The following PSPC1 variants were observed in gnomAD, a reference collection of about 807,000 sequenced individuals.
The protein encoded by PSPC1 is paraspeckle protein 1.
A neutral mutation model predicts 51.6 loss-of-function variants in PSPC1; 14 were observed. The observed-to-expected ratio is 0.27, with a 90% CI of 0.18 to 0.42. The LOEUF (loss-of-function observed/expected upper bound fraction) is 0.42. Ranked by LOEUF, PSPC1 falls within the 10% of genes least tolerant of loss-of-function variation. The pLI, the probability that PSPC1 is intolerant of heterozygous loss-of-function variation, is 1.00. For missense variants in PSPC1, 406 were observed against 701.1 expected (o/e 0.58, Z 4.75); for synonymous variants, 193 against 231.9 (o/e 0.83, Z 1.53).
At chr13:19,675,728 C>CT (rs1382761879) in intron 7 of PSPC1, 1 of 152,122 alleles carries the variant, frequency 6.6e-6, no homozygotes, top group Non-Finnish European at 1.5e-5. Flanking sequence ...GAAACAAGAG[C>CT]TTTCAGTCCT....
rs895451050 is a variant in PSPC1, at chr13:19,782,902, C to T, written c.-145G>A. ...CTAGGTAGGCGAGTCGGCAACCCGT[C>T]CTCCCCCAACTCACGCCCGCTGCAG... On this transcript the variant is annotated 5_prime_UTR_variant, in exon 1 of 9. Transcript: ENST00000338910. This position sits in a 1 kb window ranked among gnomAD's most constrained non-coding sequence, Gnocchi z 4.5. 4 of 884,650 alleles carry T rather than the reference C, an allele frequency of 4.5e-6. No homozygotes were observed. Among genetic ancestry groups the T allele is most frequent in the East Asian group, 3.0e-5 (1 of 33,640 alleles). The allele number at this position is 884,650 out of a possible 1,614,324, so 54.8% of individuals were successfully genotyped here.
chr13:19,677,603 A>G (rs1876812538), intron 7 of PSPC1: 1 of 362,346 alleles, frequency 2.8e-6, no homozygotes, highest in African/African-American at 2.2e-5. Context: ...AAACACTGGG[A>G]CCATTACATA....
At chr13:19,684,066 C>T (rs1199771184) in intron 6 of PSPC1, among the ~76,000 whole-genome samples, 1 of 152,162 alleles carries the variant, frequency 6.6e-6, no homozygotes, top group Non-Finnish European at 1.5e-5. Context: ...TCTGCTTTAT[C>T]TGCAAGGCAA....
chr13:19,758,200 C>T (rs9506372), intron 3 of PSPC1, among the ~76,000 whole-genome samples: 103,690 of 151,672 alleles, frequency 0.68, 38,080 homozygotes, highest in East Asian at 0.89. Context: ...GTGGTCCCAG[C>T]TACTCGGGAG....
At position 19,705,690 on chromosome 13, in the gene PSPC1, G is replaced by A. The variant is rs1312474526; in HGVS notation, c.1358C>T (p.Thr453Ile). ...MGPEGAANMG[T>I]PMMPDNGAVH... ...TGCTCCATTATCTGGCATCATTGGAGTTCCCATATTTGCGGCTCCTTCTGG... is the reference window on the plus strand; with the variant it reads ...TGCTCCATTATCTGGCATCATTGGAATTCCCATATTTGCGGCTCCTTCTGG... Residue 453 changes from threonine to isoleucine, a missense_variant, in exon 8 of 9, where the codon ACT becomes ATT. Thr to Ile is a moderately conservative substitution (Grantham distance 89, BLOSUM62 -1). Around this residue, in one of 5 missense-constraint regions of PSPC1, gnomAD observed 34 missense variants for 158.6 expected, o/e 0.21. Transcript: ENST00000338910. 1.9e-6 allele frequency: 3 copies of A among 1,600,802 alleles called. No homozygotes were observed. The highest frequency in any genetic ancestry group is 2.6e-6 in the Non-Finnish European group (3 of 1,174,648).
chr13:19,678,268 T>C (rs1876885763), intron 6 of PSPC1: 1 of 159,390 alleles, frequency 6.3e-6, no homozygotes, highest in Non-Finnish European at 1.4e-5. Context: ...GTATTCCACT[T>C]GTACCAAGGC....
intron 4 of PSPC1, among the ~76,000 whole-genome samples, chr13:19,747,283 G>A (rs772857712): frequency 3.1e-4 from 47 of 151,728 alleles, no homozygotes; most frequent in African/African-American, 9.9e-4. Flanking sequence ...AATATAAGGC[G>A]GATATTTACA....
downstream of PSPC1, among the ~76,000 whole-genome samples, chr13:19,698,460 A>C (rs1879506360): frequency 6.6e-6 from 1 of 151,932 alleles, no homozygotes; most frequent in South Asian, 2.1e-4. Context: ...AATTTGTCTT[A>C]TTGACTAAAT....
intron 2 of PSPC1, among the ~76,000 whole-genome samples, chr13:19,768,666 A>G (rs1245315939): frequency 2.0e-5 from 3 of 150,962 alleles, no homozygotes; most frequent in Non-Finnish European, 4.4e-5. Flanking sequence ...GAAAAGAAAA[A>G]AAAATGAATA....
At chr13:19,690,532 A>T (rs1476620325) in intron 6 of PSPC1, among the ~76,000 whole-genome samples, 1 of 152,212 alleles carries the variant, frequency 6.6e-6, no homozygotes, top group African/African-American at 2.4e-5. Context: ...ACTCAATTAG[A>T]AAAAGCCTAC....
chr13:19,690,931 T>C (rs942839986), intron 6 of PSPC1, among the ~76,000 whole-genome samples: 1 of 152,234 alleles, frequency 6.6e-6, no homozygotes, highest in Non-Finnish European at 1.5e-5. Context: ...AGAATTTCTT[T>C]ATGCACTTTC....
intron 6 of PSPC1, among the ~76,000 whole-genome samples, chr13:19,715,054 A>C (rs980298091): frequency 1.2e-4 from 18 of 152,194 alleles, no homozygotes; most frequent in Non-Finnish European, 2.2e-4. Flanking sequence ...CACTACACTA[A>C]AGGGAACATT....
In PSPC1 at chr13:19,714,501, T is replaced by C. The variant is rs1044059749; in HGVS notation, c.1159-4902A>G. ...AAAGCAGCCCAGCGGATTTCTTTTTTTTTTTTTTTTTCCTTTGTCAGTCTC... is the reference window on the plus strand; with the variant it reads ...AAAGCAGCCCAGCGGATTTCTTTTTCTTTTTTTTTTTCCTTTGTCAGTCTC... On this transcript the variant is annotated intron_variant, in intron 6 of 8. Transcript: ENST00000338910. 2.6e-4 allele frequency among the ~76,000 whole-genome samples: 39 copies of C among 151,764 alleles called. 1 individual carries two copies. Among genetic ancestry groups the C allele is most frequent in the Non-Finnish European group, 5.0e-4 (34 of 67,912 alleles).
chr13:19,762,005 G>A (rs1295930265), intron 2 of PSPC1, among the ~76,000 whole-genome samples: 1 of 152,160 alleles, frequency 6.6e-6, no homozygotes, highest in African/African-American at 2.4e-5. Context: ...ATGAAGCCAA[G>A]GGAAACCGTA....
At chr13:19,683,055 G>C (rs1237250852) in intron 6 of PSPC1, among the ~76,000 whole-genome samples, 1 of 152,158 alleles carries the variant, frequency 6.6e-6, no homozygotes, top group African/African-American at 2.4e-5. Context: ...GTGACAGAGT[G>C]AGATCCTGTC....
chr13:19,717,983 T>A (rs1353877060), intron 6 of PSPC1, among the ~76,000 whole-genome samples: 1 of 151,758 alleles, frequency 6.6e-6, no homozygotes, highest in African/African-American at 2.4e-5. Flanking sequence ...ATTAGAGGTA[T>A]GGTGACCTAT....
chr13:19,751,092 T>C (rs1481912877), intron 4 of PSPC1, among the ~76,000 whole-genome samples, 179 bp downstream of exon 4: 5 of 151,900 alleles, frequency 3.3e-5, no homozygotes, highest in Non-Finnish European at 5.9e-5. Flanking sequence ...TTTAGTAAGT[T>C]GTGTTCTTTT....
intron 6 of PSPC1, among the ~76,000 whole-genome samples, chr13:19,695,169 G>T (rs1015119800): frequency 6.6e-6 from 1 of 152,194 alleles, no homozygotes; most frequent in African/African-American, 2.4e-5. Context: ...TATCATTCAA[G>T]TAATTCCAAA....
intron 5 of PSPC1, among the ~76,000 whole-genome samples, chr13:19,741,024 G>C (rs1046790819): frequency 9.2e-5 from 14 of 152,072 alleles, no homozygotes; most frequent in Non-Finnish European, 1.0e-4. Context: ...ACAGGCGCGT[G>C]CCACCACAGC....
Sources: allele counts gnomAD v4.1 joint callset (sites outside exome capture counted in the v4.1 genomes callset), GRCh38; gene constraint gnomAD v4.1.1; regional missense constraint gnomAD v4.1.1; non-coding constraint Gnocchi (gnomAD v3.1); transcripts MANE v1.5; gene names NCBI Gene and HGNC (gene_info 2026-07-23, HGNC 2026-07-21).